The following TTC6 variants were observed in gnomAD, a reference collection of about 807,000 sequenced individuals.
TTC6 encodes the protein tetratricopeptide repeat domain 6.
TTC6 carries 172 observed loss-of-function variants against 210.4 expected under a neutral mutation model. The ratio of observed to expected loss-of-function variants is 0.82; its 90% CI spans 0.72 to 0.93. The LOEUF (loss-of-function observed/expected upper bound fraction) is 0.93, where lower values mean the gene tolerates loss of function less well. Among genes scored for constraint, TTC6 ranks in the 40% least tolerant of loss-of-function variants. TTC6 has a pLI of 0.00. For missense variants in TTC6, 2,414 were observed against 2,318.1 expected, an observed-to-expected ratio of 1.04 and a Z score of -0.85; for synonymous variants, 804 against 819.6, an observed-to-expected ratio of 0.98 and a Z score of 0.32.
intron 1 of TTC6, among the ~76,000 whole-genome samples, chr14:37,669,262 C>G (rs536879987): frequency 6.6e-6 from 1 of 152,252 alleles, no homozygotes; most frequent in South Asian, 2.1e-4. Context: ...TCATCACTAC[C>G]CCTTGGAAGT....
chr14:37,701,346 A>G (rs2095824911), exon 5 of TTC6: 3 of 1,437,060 alleles, frequency 2.1e-6, no homozygotes, highest in Non-Finnish European at 2.7e-6. Context: ...CCACAAGACT[A>G]CTCCATGCCG....
intron 14 of TTC6, among the ~76,000 whole-genome samples, chr14:37,770,440 G>A (rs1157451453): frequency 6.6e-6 from 1 of 151,814 alleles, no homozygotes; most frequent in East Asian, 1.9e-4. Context: ...GGGAGTCTAA[G>A]TCTCTTTGTA....
At chr14:37,647,930 A>C (rs1028646766) in intron 1 of TTC6, among the ~76,000 whole-genome samples, 3 of 152,148 alleles carry the variant, frequency 2.0e-5, no homozygotes, top group Non-Finnish European at 2.9e-5. Flanking sequence ...AGAAGGATGC[A>C]ATAACTGTGT....
chr14:37,813,632 C>G (rs1203540355), intron 25 of TTC6, among the ~76,000 whole-genome samples: 1 of 152,172 alleles, frequency 6.6e-6, no homozygotes, highest in Non-Finnish European at 1.5e-5. Context: ...TAAATAAGGT[C>G]TTTCCACAGT....
Position 37,735,183 on chromosome 14 carries a change from G to A in TTC6, c.1819-738G>A, listed in dbSNP as rs1052202595. On this transcript the variant is annotated intron_variant, in intron 7 of 30. Coordinates refer to ENST00000553443, the Ensembl canonical transcript of TTC6. The stretch of plus-strand genomic sequence containing the variant: ...TAAGTTACCCATAGCCTTCTCCATC[G>A]TCGGTAATAATTACATAATATTTTT... 2.4e-4 allele frequency among the ~76,000 whole-genome samples: 36 copies of A among 151,986 alleles called. 1 individual carries two copies. The highest frequency in any genetic ancestry group is 7.7e-4 in the African/African-American group (32 of 41,384).
At chr14:37,812,709 G>A (rs1230104595) in intron 25 of TTC6, among the ~76,000 whole-genome samples, 1 of 152,194 alleles carries the variant, frequency 6.6e-6, no homozygotes, top group Non-Finnish European at 1.5e-5. Context: ...CAAAACTCAA[G>A]TTACTTAGTA....
chr14:37,796,217 G>C (rs1403302689), intron 18 of TTC6, 77 bp from the exon 21 acceptor site: 1 of 599,288 alleles, frequency 1.7e-6, no homozygotes, highest in African/African-American at 2.0e-5. Flanking sequence ...AAAATTGTAA[G>C]TAACTGATTA....
In TTC6 at chr14:37,629,810, G is replaced by A. The variant is rs183678530; in HGVS notation, c.939+6807G>A. Among the ~76,000 whole-genome samples, 14 of 152,232 alleles carry A rather than the reference G, an allele frequency of 9.2e-5. No individual in the cohort carries two copies. In the East Asian group the frequency reaches 2.7e-3, roughly 29 times the overall value. ...ATACCTAGTTTATAGAGCATTTTTA[G>A]CATGAAGGACTGTTGAATTTTATTG... On this transcript the variant is annotated intron_variant, in intron 1 of 30. Transcript: ENST00000553443.
At chr14:37,832,112 G>A (rs1001843881) in intron 29 of TTC6, among the ~76,000 whole-genome samples, 2 of 151,944 alleles carry the variant, frequency 1.3e-5, no homozygotes, top group African/African-American at 4.8e-5. Context: ...TTTGATTTTT[G>A]TACATAAGGA....
At chr14:37,665,205 T>C (rs542047380) in intron 1 of TTC6, among the ~76,000 whole-genome samples, 1 of 150,656 alleles carries the variant, frequency 6.6e-6, no homozygotes, top group African/African-American at 2.4e-5. Context: ...ATGCAAATGT[T>C]CATTGCAGCA....
chr14:37,728,317 C>T (rs985357778), intron 7 of TTC6, among the ~76,000 whole-genome samples: 1 of 152,028 alleles, frequency 6.6e-6, no homozygotes, highest in African/African-American at 2.4e-5. Context: ...TGGTGGCTCA[C>T]GCCTGTAATC....
chr14:37,787,581 G>T (rs1010182770), exon 15 of TTC6: 1 of 1,522,962 alleles, frequency 6.6e-7, no homozygotes, highest in Non-Finnish European at 8.8e-7. Flanking sequence ...TATTATCGAG[G>T]TTGCTTATTC....
chr14:37,753,457 T>G (rs541528903), intron 14 of TTC6, among the ~76,000 whole-genome samples: 5 of 152,342 alleles, frequency 3.3e-5, no homozygotes, highest in African/African-American at 1.2e-4. Context: ...ATTTCCTAAA[T>G]ACTAGTTACA....
intron 10 of TTC6, among the ~76,000 whole-genome samples, chr14:37,745,719 A>G (rs1397750685): frequency 6.6e-6 from 1 of 152,202 alleles, no homozygotes; most frequent in East Asian, 1.9e-4. Context: ...GTGGATTAGC[A>G]TAAGGTCAGA....
At chr14:37,753,317 C>A in intron 14 of TTC6, 82 bp downstream of exon 16, 2 of 1,158,612 alleles carry the variant, frequency 1.7e-6, no homozygotes, top group Non-Finnish European at 2.4e-6. Flanking sequence ...GCTTGAAATA[C>A]ATCAGACAGC....
chr14:37,838,863 C>G (rs1030222396), intron 29 of TTC6, among the ~76,000 whole-genome samples: 2 of 152,094 alleles, frequency 1.3e-5, no homozygotes, highest in Non-Finnish European at 2.9e-5. Flanking sequence ...TCCATGTATT[C>G]TCATTGTTCA....
chr14:37,713,794 A>G (rs2138754937), intron 5 of TTC6, among the ~76,000 whole-genome samples: 1 of 152,250 alleles, frequency 6.6e-6, no homozygotes, highest in East Asian at 1.9e-4. Context: ...GGATTTCAGT[A>G]TATTATTAAA....
chr14:37,605,176 T>A (rs923187482), intron 1 of TTC6, among the ~76,000 whole-genome samples: 3 of 152,208 alleles, frequency 2.0e-5, no homozygotes, highest in African/African-American at 7.2e-5. Flanking sequence ...GATATAGATA[T>A]GTCTGCTCAA....
intron 3 of TTC6, among the ~76,000 whole-genome samples, 181 bp from the exon 6 acceptor site, chr14:37,696,536 G>T (rs559695735): frequency 6.6e-6 from 1 of 151,968 alleles, no homozygotes; most frequent in East Asian, 1.9e-4. Context: ...TGTTATATAG[G>T]TATATATGTA....
Sources: gnomAD v4.1 joint callset for allele counts (sites outside exome capture counted in the v4.1 genomes callset) on GRCh38, gnomAD v4.1.1 for gene constraint, MANE v1.5 for transcripts, NCBI Gene and HGNC (gene_info 2026-07-23, HGNC 2026-07-21) for gene names.